Variants in ZDHHC5 observed in about 807,000 individuals in gnomAD.
The protein encoded by ZDHHC5 is zDHHC palmitoyltransferase 5.
ZDHHC5 carries 22 observed loss-of-function variants against 70.0 expected under a neutral mutation model. The observed-to-expected ratio is 0.31, with a 90% CI of 0.22 to 0.45. ZDHHC5 has a LOEUF of 0.45. ZDHHC5 is among the 20% of genes least tolerant of loss of function. ZDHHC5 has a pLI of 1.00. For missense variants in ZDHHC5, 746 were observed against 926.9 expected (o/e 0.80, Z 2.53); for synonymous variants, 313 against 347.8 (o/e 0.90, Z 1.11).
intron 10 of ZDHHC5, among the ~76,000 whole-genome samples, chr11:57,698,062 G>C (rs2135405746): frequency 1.3e-5 from 2 of 151,842 alleles, no homozygotes; most frequent in East Asian, 3.9e-4. Context: ...TTGAACCTGG[G>C]AGGCTGAGGT....
chr11:57,689,408 C>T (rs999029236), intron 4 of ZDHHC5, among the ~76,000 whole-genome samples: 5 of 151,730 alleles, frequency 3.3e-5, no homozygotes, highest in African/African-American at 1.2e-4. Flanking sequence ...GACGGAGTCT[C>T]GCTCTGTTGC....
At chr11:57,694,637 T>C (rs1162839400) in intron 8 of ZDHHC5, among the ~76,000 whole-genome samples, 2 of 152,180 alleles carry the variant, frequency 1.3e-5, no homozygotes, top group Non-Finnish European at 2.9e-5. Context: ...GCTAGGATTA[T>C]AGGTGTGAGC....
chr11:57,689,880 G>A, intron 4 of ZDHHC5, 151 bp from the exon 5 acceptor site: 1 of 1,051,734 alleles, frequency 9.5e-7, no homozygotes, highest in South Asian at 1.6e-5. Flanking sequence ...GGTCTCCCTT[G>A]CAGATTTATA....
chr11:57,695,814 C>G, intron 8 of ZDHHC5, 106 bp from the exon 9 acceptor site: 1 of 1,208,068 alleles, frequency 8.3e-7, no homozygotes, highest in Non-Finnish European at 1.1e-6. Context: ...AAAAAAAATA[C>G]ATGAGAATTG....
At chr11:57,670,363 C>G (rs936260829) in intron 1 of ZDHHC5, among the ~76,000 whole-genome samples, 2 of 151,288 alleles carry the variant, frequency 1.3e-5, no homozygotes, top group Admixed American at 6.6e-5. Flanking sequence ...CCCAGCTGCT[C>G]GGGAGGCTGA....
intron 3 of ZDHHC5, among the ~76,000 whole-genome samples, chr11:57,685,372 C>T (rs998842497): frequency 6.6e-6 from 1 of 152,080 alleles, no homozygotes; most frequent in Non-Finnish European, 1.5e-5. Flanking sequence ...CATTGCTGGC[C>T]GGGCGTGGTG....
rs776812550 is a variant in ZDHHC5 at position 57,682,437 on chromosome 11, C to T, written c.120C>T (p.Ser40=). 2.4e-5 allele frequency: 38 copies of T among 1,613,820 alleles called. No individual in the cohort carries two copies. Among genetic ancestry groups the T allele is most frequent in the Middle Eastern group, 1.6e-4 (1 of 6,082 alleles). ...LFFAFTCPGL[S]LYVSPAVPIY... is the part of the protein sequence containing the mutation. The stretch of plus-strand genomic sequence containing the variant: ...GTCTGTGCAGGTGTCCAGGACTAAG[C>T]CTGTATGTGTCACCTGCAGTGCCCA... The change falls in exon 3 of 12, where the codon AGC becomes AGT. Residue 40 remains serine, a synonymous_variant. Coordinates refer to ENST00000287169, the MANE Select transcript of ZDHHC5 (RefSeq NM_015457.3).
intron 3 of ZDHHC5, among the ~76,000 whole-genome samples, chr11:57,687,756 GTTTTTTTT>G (rs746146074): frequency 2.7e-5 from 2 of 75,274 alleles, no homozygotes; most frequent in African/African-American, 1.0e-4. Context: ...TTTTGGGAAA[GTTTTTTTT>G]TTTTTTTTTT....
chr11:57,696,380 T>C (rs960921925), intron 9 of ZDHHC5, among the ~76,000 whole-genome samples: 5 of 152,170 alleles, frequency 3.3e-5, no homozygotes, highest in African/African-American at 9.7e-5. Flanking sequence ...TATTCCTACC[T>C]TGTCCTCTCC....
intron 1 of ZDHHC5, among the ~76,000 whole-genome samples, chr11:57,670,028 C>T (rs1945984852): frequency 6.6e-6 from 1 of 152,046 alleles, no homozygotes; most frequent in African/African-American, 2.4e-5. Context: ...CTCTGTATTA[C>T]TATGTCAATA....
chr11:57,673,516 G>A (rs1340147761), intron 2 of ZDHHC5, among the ~76,000 whole-genome samples: 1 of 152,154 alleles, frequency 6.6e-6, no homozygotes, highest in East Asian at 1.9e-4. Context: ...AACCACCAGA[G>A]AGGCTTAAAG....
At chr11:57,687,499 AG>A (rs1166672034) in intron 3 of ZDHHC5, among the ~76,000 whole-genome samples, 5 of 152,152 alleles carry the variant, frequency 3.3e-5, no homozygotes, top group African/African-American at 1.2e-4. Context: ...TGAACCCGGC[AG>A]GTGGAGGTTG....
chr11:57,693,499 T>C (rs1046346926), intron 7 of ZDHHC5, among the ~76,000 whole-genome samples: 1 of 152,166 alleles, frequency 6.6e-6, no homozygotes, highest in African/African-American at 2.4e-5. Context: ...GTGAATTCCA[T>C]TGATATTCTT....
chr11:57,673,059 C>T lies in ZDHHC5; in HGVS notation c.-32C>T, dbSNP rs747951778. ...TGCCGCTGTGTGGGCCTGGGCTATGCGGCAGGGCAGATTTCCCATCAGAGC... is the reference window on the plus strand; with the variant it reads ...TGCCGCTGTGTGGGCCTGGGCTATGTGGCAGGGCAGATTTCCCATCAGAGC... On this transcript the variant is annotated 5_prime_UTR_variant, in exon 2 of 12. Coordinates refer to ENST00000287169, the MANE Select transcript of ZDHHC5 (RefSeq NM_015457.3). 6.2e-6 allele frequency: 10 copies of T among 1,604,874 alleles called. 1 individual carries two copies. In the East Asian group the frequency reaches 1.1e-4, roughly 18 times the overall value.
In ZDHHC5 at chr11:57,700,184, T is replaced by A; in HGVS notation, c.*153T>A. The stretch of plus-strand genomic sequence containing the variant: ...ATGAGGAGTGTTTTCTAAAATGCAG[T>A]AGGCTTGGGGAGTCGGAGAGTTGGG... On this transcript the variant is annotated 3_prime_UTR_variant, in exon 12 of 12. Coordinates refer to ENST00000287169, the MANE Select transcript of ZDHHC5 (RefSeq NM_015457.3). 9.4e-7 allele frequency: 1 copy of A among 1,063,324 alleles called. No individual in the cohort carries two copies. Among genetic ancestry groups the A allele is most frequent in the Non-Finnish European group, 1.3e-6 (1 of 770,610 alleles). The allele number at this position is 1,063,324 out of a possible 1,614,324, so 65.9% of individuals were successfully genotyped here. A position where few individuals can be genotyped will look rare whatever the true frequency, so the allele number is the denominator to read the frequency against.
intron 3 of ZDHHC5, 138 bp from the exon 4 acceptor site, chr11:57,688,370 A>ATAGTTCC (rs879338105): frequency 2.9e-6 from 3 of 1,019,606 alleles, no homozygotes; most frequent in Non-Finnish European, 4.0e-6. Flanking sequence ...TCACAGTCTT[A>ATAGTTCC]TAGTTCCTAG....
At chr11:57,696,911 A>G (rs1302399530) in intron 10 of ZDHHC5, 38 bp downstream of exon 10, 22 of 1,601,226 alleles carry the variant, frequency 1.4e-5, no homozygotes, top group Non-Finnish European at 1.9e-5. Context: ...ATAACATGCC[A>G]ACTGGCCAGG....
At chr11:57,676,562 C>G (rs1275461996) in intron 2 of ZDHHC5, among the ~76,000 whole-genome samples, 1 of 152,016 alleles carries the variant, frequency 6.6e-6, no homozygotes, top group Non-Finnish European at 1.5e-5. Flanking sequence ...CTTTGTGGAC[C>G]TAAGTTCTTC....
chr11:57,689,928 T>C, intron 4 of ZDHHC5, 103 bp from the exon 5 acceptor site: 1 of 1,340,442 alleles, frequency 7.5e-7, no homozygotes, highest in Admixed American at 2.1e-5. Context: ...AACTAATTGG[T>C]GACCATGATC....
Sources: allele counts gnomAD v4.1 joint callset (sites outside exome capture counted in the v4.1 genomes callset), GRCh38; gene constraint gnomAD v4.1.1; transcripts MANE v1.5; gene names NCBI Gene and HGNC (gene_info 2026-07-23, HGNC 2026-07-21).